NR3C2: variants seen among roughly 807,000 people sequenced by gnomAD.
NR3C2 encodes the protein mineralocorticoid receptor.
A neutral mutation model predicts 86.4 loss-of-function variants in NR3C2; 15 were observed. The ratio of observed to expected loss-of-function variants is 0.17; its 90% CI spans 0.12 to 0.27. The LOEUF is 0.27. Ranked by LOEUF, NR3C2 falls within the 10% of genes least tolerant of loss-of-function variation. The probability of loss-of-function intolerance (pLI) is 1.00; values close to 1 mark genes in which losing one functional copy is unlikely to be tolerated. For synonymous variants in NR3C2, 458 were observed against 450.5 expected, an observed-to-expected ratio of 1.02 and a Z score of -0.21; for missense variants, 960 against 1,195.6, an observed-to-expected ratio of 0.80 and a Z score of 2.91.
chr4:148,289,733 T>C (rs981764471), intron 2 of NR3C2, among the ~76,000 whole-genome samples: 2 of 152,156 alleles, frequency 1.3e-5, no homozygotes, highest in African/African-American at 4.8e-5. Flanking sequence ...ACTTTGGATA[T>C]CATATTATAA....
At chr4:148,279,004 A>G (rs1579099267) in intron 2 of NR3C2, among the ~76,000 whole-genome samples, 1 of 152,094 alleles carries the variant, frequency 6.6e-6, no homozygotes, top group Admixed American at 6.5e-5. Context: ...CCTACTAAAA[A>G]TGCAAAAAAT....
upstream of NR3C2, chr4:148,442,823 TTGC>T (rs1218020385): frequency 4.1e-6 from 4 of 985,270 alleles, no homozygotes; most frequent in Non-Finnish European, 4.8e-6. Context: ...CGCCCCAAAC[TTGC>T]TTACGTCCAC....
intron 3 of NR3C2, 98 bp downstream of exon 3, chr4:148,259,880 T>G: frequency 2.7e-6 from 4 of 1,486,966 alleles, no homozygotes; most frequent in Non-Finnish European, 3.7e-6. Flanking sequence ...ATCAAAAATC[T>G]TTTTGAAGAA....
At chr4:148,265,891 TAGA>T (rs1463851223) in intron 2 of NR3C2, among the ~76,000 whole-genome samples, 1 of 151,960 alleles carries the variant, frequency 6.6e-6, no homozygotes, top group East Asian at 1.9e-4. Flanking sequence ...TGAGAAAAAC[TAGA>T]AGGAGAAAAG....
intron 2 of NR3C2, among the ~76,000 whole-genome samples, chr4:148,392,930 T>C (rs1747665272): frequency 6.6e-6 from 1 of 152,056 alleles, no homozygotes. Flanking sequence ...CTTCCATTTT[T>C]ATATATATAT....
At chr4:148,229,010 G>C (rs562476513) in intron 3 of NR3C2, among the ~76,000 whole-genome samples, 2 of 152,318 alleles carry the variant, frequency 1.3e-5, no homozygotes, top group South Asian at 4.1e-4. Flanking sequence ...ACTAGTAGTA[G>C]AAAGATTCTT....
chr4:148,437,971 T>C (rs187072519), intron 1 of NR3C2, among the ~76,000 whole-genome samples: 1 of 152,250 alleles, frequency 6.6e-6, no homozygotes, highest in Non-Finnish European at 1.5e-5. Flanking sequence ...TATAATTTAA[T>C]GCAGTATTGC....
At chr4:148,413,480 A>G (rs1748816125) in intron 2 of NR3C2, among the ~76,000 whole-genome samples, 2 of 152,200 alleles carry the variant, frequency 1.3e-5, no homozygotes, top group South Asian at 4.1e-4. Flanking sequence ...AGCAGTAAAA[A>G]TTGAAATTTT....
At chr4:148,393,143 C>T (rs1157347861) in intron 2 of NR3C2, among the ~76,000 whole-genome samples, 2 of 152,080 alleles carry the variant, frequency 1.3e-5, no homozygotes, top group African/African-American at 4.8e-5. Context: ...ATTTCCTTAT[C>T]TTTGTTTCAT....
intron 2 of NR3C2, among the ~76,000 whole-genome samples, chr4:148,326,621 C>T (rs1670566009): frequency 6.6e-6 from 1 of 151,830 alleles, no homozygotes; most frequent in Non-Finnish European, 1.5e-5. Flanking sequence ...AGTTGTCAAT[C>T]TTTAAAAGTC....
At chr4:148,121,376 G>A (rs1732498616) in intron 6 of NR3C2, among the ~76,000 whole-genome samples, 1 of 152,148 alleles carries the variant, frequency 6.6e-6, no homozygotes, top group Non-Finnish European at 1.5e-5. Context: ...CTGCATTACT[G>A]TATGTCTTTC....
In NR3C2 at chr4:148,111,074, C is replaced by G. The variant is rs146073990; in HGVS notation, c.2799+3030G>C. ...AGATCAGCCACGCTGGGAGAAAATA[C>G]TTACAGTCATATATCTGGATTTGTA... On this transcript the variant is annotated intron_variant, in intron 8 of 8. Transcript: ENST00000358102. Among the ~76,000 whole-genome samples, 498 of 152,300 alleles carry G rather than the reference C, an allele frequency of 3.3e-3. 3 individuals carry two copies. Among genetic ancestry groups the G allele is most frequent in the African/African-American group, 0.012 (478 of 41,560 alleles).
intron 2 of NR3C2, among the ~76,000 whole-genome samples, chr4:148,369,608 G>A (rs995036997): frequency 6.6e-6 from 1 of 152,082 alleles, no homozygotes; most frequent in African/African-American, 2.4e-5. Flanking sequence ...TCACTATGCT[G>A]TTTCTCTTAA....
intron 2 of NR3C2, among the ~76,000 whole-genome samples, chr4:148,390,672 G>A (rs1164181797): frequency 6.6e-6 from 1 of 152,100 alleles, no homozygotes. Flanking sequence ...GAACCAAACT[G>A]GCATAAGACG....
At chr4:148,364,788 C>T (rs1176593553) in intron 2 of NR3C2, among the ~76,000 whole-genome samples, 2 of 149,344 alleles carry the variant, frequency 1.3e-5, no homozygotes, top group Admixed American at 6.7e-5. Flanking sequence ...CCAAATTGCT[C>T]GGGACCAGAA....
At chr4:148,382,760 G>A (rs1238973045) in intron 2 of NR3C2, among the ~76,000 whole-genome samples, 1 of 152,086 alleles carries the variant, frequency 6.6e-6, no homozygotes, top group Non-Finnish European at 1.5e-5. Flanking sequence ...TCTATGTGTA[G>A]GTTACCTACT....
At chr4:148,370,436 T>G (rs954113487) in intron 2 of NR3C2, among the ~76,000 whole-genome samples, 1 of 152,248 alleles carries the variant, frequency 6.6e-6, no homozygotes, top group Non-Finnish European at 1.5e-5. Flanking sequence ...AAGTTTTTTC[T>G]GTGAATGTAA....
At chr4:148,180,173 C>T (rs1259780061) in intron 4 of NR3C2, among the ~76,000 whole-genome samples, 1 of 151,730 alleles carries the variant, frequency 6.6e-6, no homozygotes, top group Non-Finnish European at 1.5e-5. Context: ...ATTTCTCTCA[C>T]CAGACCCACA....
chr4:148,155,267 G>A (rs1048358786), intron 4 of NR3C2, among the ~76,000 whole-genome samples: 5 of 152,164 alleles, frequency 3.3e-5, no homozygotes, highest in African/African-American at 7.2e-5. Context: ...CAACTGCACC[G>A]CAGTGCAGGT....
Sources: allele counts gnomAD v4.1 joint callset (sites outside exome capture counted in the v4.1 genomes callset), GRCh38; gene constraint gnomAD v4.1.1; transcripts MANE v1.5; gene names NCBI Gene and HGNC (gene_info 2026-07-23, HGNC 2026-07-21).